PRIM2: variants seen among roughly 807,000 people sequenced by gnomAD.
PRIM2 encodes the protein DNA primase large subunit.
In PRIM2, 39 loss-of-function variants were observed where a neutral mutation model predicts 67.3. That is an observed-to-expected ratio of 0.58 (90% CI 0.45 to 0.76). PRIM2 has a LOEUF of 0.76. Among genes scored for constraint, PRIM2 ranks in the 30% least tolerant of loss-of-function variants. PRIM2 has a pLI of 0.00. For missense variants in PRIM2, 398 were observed against 598.7 expected (o/e 0.66, Z 3.50); for synonymous variants, 143 against 198.7 (o/e 0.72, Z 2.36).
At chr6:57,553,184 G>A (rs1357896515) in intron 10 of PRIM2, among the ~76,000 whole-genome samples, 2 of 151,996 alleles carry the variant, frequency 1.3e-5, no homozygotes, top group African/African-American at 4.8e-5. Flanking sequence ...AAATATAGTC[G>A]CTTTGTAATT....
At chr6:57,522,829 G>A (rs1238411619) in intron 8 of PRIM2, among the ~76,000 whole-genome samples, 1 of 152,110 alleles carries the variant, frequency 6.6e-6, no homozygotes, top group Non-Finnish European at 1.5e-5. Flanking sequence ...CTATATAACA[G>A]TAAAGCTTTA....
At chr6:57,422,321 G>A (rs1353066229) in intron 7 of PRIM2, among the ~76,000 whole-genome samples, 1 of 151,386 alleles carries the variant, frequency 6.6e-6, no homozygotes, top group African/African-American at 2.4e-5. Context: ...TATTTTTGTA[G>A]AGACAAAGTT....
the PRIM2 span, among the ~76,000 whole-genome samples, chr6:57,230,612 A>T: frequency 6.6e-6 from 1 of 152,176 alleles, no homozygotes; most frequent in African/African-American, 2.4e-5. Context: ...CTGAGACATC[A>T]CTTGCCAGGG....
chr6:57,271,367 G>A, the PRIM2 span, among the ~76,000 whole-genome samples: 3 of 152,214 alleles, frequency 2.0e-5, no homozygotes, highest in East Asian at 5.8e-4. Flanking sequence ...GAGGGTGTAT[G>A]TGTCAAGGAA....
chr6:57,526,032 A>C (rs1183719962), intron 8 of PRIM2, among the ~76,000 whole-genome samples: 59 of 152,306 alleles, frequency 3.9e-4, no homozygotes, highest in African/African-American at 1.4e-3. Flanking sequence ...TCTTATAGAG[A>C]GAGAATCTGA....
chr6:57,458,596 A>AC (rs1221942624), intron 7 of PRIM2, among the ~76,000 whole-genome samples: 2 of 152,158 alleles, frequency 1.3e-5, no homozygotes, highest in Non-Finnish European at 2.9e-5. Flanking sequence ...GAGGAAGGCG[A>AC]ATTCCTTGAA....
chr6:57,327,548 A>G (rs1053230890), intron 5 of PRIM2, among the ~76,000 whole-genome samples: 4 of 152,188 alleles, frequency 2.6e-5, no homozygotes, highest in Non-Finnish European at 5.9e-5. Flanking sequence ...CATTTACTTC[A>G]TGAGGTTTCT....
chr6:57,437,662 CT>C (rs11315818), intron 7 of PRIM2, among the ~76,000 whole-genome samples: 72,545 of 128,322 alleles, frequency 0.57, 20,082 homozygotes, highest in Middle Eastern at 0.64. Flanking sequence ...GGAAGGATTC[CT>C]TTTTTTTTTT....
chr6:57,393,170 C>A (rs1326166065), intron 7 of PRIM2, among the ~76,000 whole-genome samples: 1 of 148,860 alleles, frequency 6.7e-6, no homozygotes, highest in Non-Finnish European at 1.5e-5. Flanking sequence ...TGGTAGATAC[C>A]CAGTAGTGTT....
the PRIM2 span, among the ~76,000 whole-genome samples, chr6:57,263,688 C>T: frequency 6.6e-6 from 1 of 152,196 alleles, no homozygotes; most frequent in Non-Finnish European, 1.5e-5. Context: ...CCACAACACC[C>T]TGCAATAAGA....
At chr6:57,240,578 G>A in the PRIM2 span, among the ~76,000 whole-genome samples, 2 of 152,180 alleles carry the variant, frequency 1.3e-5, no homozygotes. Context: ...CAGCACAGGT[G>A]AGAGGTAGAG....
intron 5 of PRIM2, among the ~76,000 whole-genome samples, chr6:57,374,426 T>G (rs1769681348): frequency 6.7e-6 from 1 of 149,736 alleles, no homozygotes; most frequent in Non-Finnish European, 1.5e-5. Context: ...CCCGTGTAGC[T>G]GGGACTACAG....
chr6:57,555,856 T>C (rs1309463432), intron 10 of PRIM2, among the ~76,000 whole-genome samples: 251 of 152,222 alleles, frequency 1.6e-3, no homozygotes, highest in African/African-American at 5.6e-3. Flanking sequence ...CCTGGCTAAA[T>C]TAATTATTCT....
At chr6:57,391,618 G>T (rs1770348201) in intron 7 of PRIM2, among the ~76,000 whole-genome samples, 1 of 152,082 alleles carries the variant, frequency 6.6e-6, no homozygotes, top group Non-Finnish European at 1.5e-5. Context: ...ATTGAATAGG[G>T]GTTCTTTTCC....
intron 5 of PRIM2, among the ~76,000 whole-genome samples, chr6:57,355,475 A>G (rs1339772101): frequency 8.5e-5 from 13 of 152,200 alleles, no homozygotes; most frequent in Non-Finnish European, 1.8e-4. Flanking sequence ...AGCAGGGGGA[A>G]CATCTCAGTT....
chr6:57,571,684 A>G (rs1273312140), intron 10 of PRIM2, among the ~76,000 whole-genome samples: 14,943 of 152,120 alleles, frequency 0.098, 942 homozygotes, highest in African/African-American at 0.18. Flanking sequence ...AAACAAAAAA[A>G]CACAACAACA....
chr6:57,414,642 A>T (rs1771199999), intron 7 of PRIM2, among the ~76,000 whole-genome samples: 1 of 152,132 alleles, frequency 6.6e-6, no homozygotes, highest in African/African-American at 2.4e-5. Flanking sequence ...GAATAGCTAG[A>T]TGGTAGTAGC....
At chr6:57,612,707 G>GA (rs1270786351) in intron 12 of PRIM2, among the ~76,000 whole-genome samples, 2 of 151,254 alleles carry the variant, frequency 1.3e-5, no homozygotes, top group Non-Finnish European at 2.9e-5. Flanking sequence ...TACTTTTTTA[G>GA]AAAAAACTTA....
chr6:57,274,444 C>T, the PRIM2 span, among the ~76,000 whole-genome samples: 2 of 152,248 alleles, frequency 1.3e-5, no homozygotes, highest in African/African-American at 4.8e-5. Flanking sequence ...GGGACATAAT[C>T]TCCTGGTGTA....
Sources: gnomAD v4.1 joint callset for allele counts (sites outside exome capture counted in the v4.1 genomes callset) on GRCh38, gnomAD v4.1.1 for gene constraint, MANE v1.5 for transcripts, NCBI Gene and HGNC (gene_info 2026-07-23, HGNC 2026-07-21) for gene names.